CCDC192: variants seen among roughly 807,000 people sequenced by gnomAD.
The protein encoded by CCDC192 is coiled-coil domain-containing protein 192.
chr5:127,835,545 C>T (rs1029316029), intron 5 of CCDC192, among the ~76,000 whole-genome samples: 15 of 152,120 alleles, frequency 9.9e-5, no homozygotes, highest in Non-Finnish European at 1.9e-4. Context: ...TGTTTTCACA[C>T]TACTGTAAAG....
At chr5:127,811,575 C>T (rs1580697297) in intron 5 of CCDC192, among the ~76,000 whole-genome samples, 2 of 151,950 alleles carry the variant, frequency 1.3e-5, no homozygotes, top group Non-Finnish European at 1.5e-5. Flanking sequence ...TTATTTTGTT[C>T]GCGAATGTGA....
intron 5 of CCDC192, among the ~76,000 whole-genome samples, chr5:127,801,082 C>A (rs745651217): frequency 2.8e-4 from 42 of 152,070 alleles, no homozygotes; most frequent in Non-Finnish European, 4.9e-4. Flanking sequence ...GGAATGGGTG[C>A]AGAAAACCAA....
chr5:127,918,093 C>T (rs1753579450), intron 6 of CCDC192, among the ~76,000 whole-genome samples: 1 of 151,986 alleles, frequency 6.6e-6, no homozygotes. Context: ...TGAGATCGCA[C>T]CACTGCATTC....
intron 6 of CCDC192, among the ~76,000 whole-genome samples, chr5:127,928,654 C>T (rs936324015): frequency 2.0e-5 from 3 of 152,248 alleles, no homozygotes; most frequent in Non-Finnish European, 4.4e-5. Flanking sequence ...CTGCCTACCA[C>T]ACTTCCCTGT....
At chr5:127,765,521 T>A (rs1212239186) in intron 3 of CCDC192, among the ~76,000 whole-genome samples, 1 of 152,204 alleles carries the variant, frequency 6.6e-6, no homozygotes, top group Non-Finnish European at 1.5e-5. Flanking sequence ...CAAAAACTTT[T>A]TAAAGTCCCC....
intron 5 of CCDC192, among the ~76,000 whole-genome samples, chr5:127,855,172 C>T (rs1353318390): frequency 6.6e-6 from 1 of 152,104 alleles, no homozygotes; most frequent in Non-Finnish European, 1.5e-5. Context: ...TAGTATGCCA[C>T]ACTATTTAAT....
chr5:127,869,052 C>T (rs982851998), intron 5 of CCDC192, among the ~76,000 whole-genome samples: 1 of 152,088 alleles, frequency 6.6e-6, no homozygotes, highest in Non-Finnish European at 1.5e-5. Flanking sequence ...GCCGGGCACG[C>T]TGGCTCATGC....
intron 5 of CCDC192, among the ~76,000 whole-genome samples, chr5:127,822,889 C>T (rs1749357622): frequency 6.6e-6 from 1 of 152,184 alleles, no homozygotes; most frequent in Non-Finnish European, 1.5e-5. Context: ...TGACACCTAG[C>T]TTCAGGGTTA....
At chr5:127,938,481 G>C (rs565812179) in intron 6 of CCDC192, among the ~76,000 whole-genome samples, 6 of 152,166 alleles carry the variant, frequency 3.9e-5, no homozygotes, top group Non-Finnish European at 5.9e-5. Context: ...GTTTCAGAGA[G>C]AGCTCATCTG....
At chr5:127,744,682 T>C (rs536708337) in intron 2 of CCDC192, among the ~76,000 whole-genome samples, 4 of 152,380 alleles carry the variant, frequency 2.6e-5, no homozygotes, top group African/African-American at 9.6e-5. Context: ...CACTGCTGTT[T>C]GGTCACTTGC....
rs953312921 is a variant in CCDC192 at position 127,739,157 on chromosome 5, C to A, written c.115-15111C>A. Among the ~76,000 whole-genome samples, 703 of 152,002 alleles carry A rather than the reference C, an allele frequency of 4.6e-3. 7 individuals carry two copies. The highest frequency in any genetic ancestry group is 8.3e-3 in the Non-Finnish European group (567 of 67,920). On this transcript the variant is annotated intron_variant, in intron 2 of 6. Transcript: ENST00000514853. ...TAGTTTTCCTTCTAACAGAGAGGAC[C>A]CTCAGCTGCAGGTCTGTTGGAATAC...
chr5:127,787,400 C>T (rs1454574891), intron 3 of CCDC192, among the ~76,000 whole-genome samples: 3 of 152,204 alleles, frequency 2.0e-5, no homozygotes, highest in Non-Finnish European at 2.9e-5. Context: ...GCTGCCGCCA[C>T]CTCGTCCCAT....
At chr5:127,754,159 G>A in intron 2 of CCDC192, 109 bp from the exon 3 acceptor site, 1 of 391,284 alleles carries the variant, frequency 2.6e-6, no homozygotes, top group Non-Finnish European at 4.5e-6. Context: ...AGTTTATCAA[G>A]CCTATCATTG....
chr5:127,918,170 A>G (rs1753581842), intron 6 of CCDC192, among the ~76,000 whole-genome samples: 2 of 150,304 alleles, frequency 1.3e-5, no homozygotes, highest in Non-Finnish European at 2.9e-5. Context: ...ACTCAATGGC[A>G]TTGGTATACT....
intron 3 of CCDC192, among the ~76,000 whole-genome samples, chr5:127,765,067 C>T (rs531989392): frequency 1.1e-4 from 16 of 152,284 alleles, no homozygotes; most frequent in South Asian, 1.0e-3. Context: ...TGGTCTAGTA[C>T]AGAGGTCTTC....
At chr5:127,882,646 TGATTAAA>T (rs1752404825) in intron 6 of CCDC192, among the ~76,000 whole-genome samples, 1 of 152,192 alleles carries the variant, frequency 6.6e-6, no homozygotes, top group Non-Finnish European at 1.5e-5. Flanking sequence ...AAAAAAACAG[TGATTAAA>T]GCAATCCTCA....
intron 3 of CCDC192, among the ~76,000 whole-genome samples, chr5:127,757,639 A>C (rs1434601677): frequency 6.6e-6 from 1 of 151,866 alleles, no homozygotes; most frequent in Non-Finnish European, 1.5e-5. Context: ...TGTTCTTGAG[A>C]ATATTTCAGA....
At chr5:127,715,337 A>G (rs1464406871) in intron 2 of CCDC192, among the ~76,000 whole-genome samples, 7 of 152,346 alleles carry the variant, frequency 4.6e-5, no homozygotes, top group African/African-American at 1.4e-4. Context: ...ATTCTTCTGC[A>G]TATGGATGTC....
chr5:127,713,049 A>G (rs375945617), intron 2 of CCDC192, among the ~76,000 whole-genome samples: 2 of 152,250 alleles, frequency 1.3e-5, no homozygotes, highest in Non-Finnish European at 2.9e-5. Flanking sequence ...AGCCTGACCA[A>G]CATGGAGAAA....
Sources: gnomAD v4.1 joint callset for allele counts (sites outside exome capture counted in the v4.1 genomes callset) on GRCh38, gnomAD v4.1.1 for gene constraint, MANE v1.5 for transcripts, NCBI Gene and HGNC (gene_info 2026-07-23, HGNC 2026-07-21) for gene names.